SYNPR: variants seen among roughly 807,000 people sequenced by gnomAD.
The protein encoded by SYNPR is synaptoporin.
SYNPR carries 23 observed loss-of-function variants against 32.9 expected under a neutral mutation model. The observed-to-expected ratio is 0.70, with a 90% CI of 0.50 to 0.99. SYNPR has a LOEUF of 0.99. Ranked by LOEUF, SYNPR falls within the 50% of genes least tolerant of loss-of-function variation. SYNPR has a pLI of 0.00. For missense variants in SYNPR, 318 were observed against 349.3 expected (o/e 0.91, Z 0.71); for synonymous variants, 146 against 135.9 (o/e 1.07, Z -0.52).
At chr3:63,236,667 A>G (rs975978249) in intron 1 of SYNPR, among the ~76,000 whole-genome samples, 2 of 152,112 alleles carry the variant, frequency 1.3e-5, no homozygotes, top group Non-Finnish European at 2.9e-5. Context: ...TCCTGTGTTC[A>G]TTGTGAGTAT....
chr3:63,520,561 T>A (rs543589235), intron 3 of SYNPR, among the ~76,000 whole-genome samples: 4 of 151,880 alleles, frequency 2.6e-5, no homozygotes, highest in Admixed American at 2.6e-4. Context: ...TAATCCCAGC[T>A]ACTGAGGAGG....
At chr3:63,354,586 A>T (rs1353984148) in intron 2 of SYNPR, among the ~76,000 whole-genome samples, 1 of 152,218 alleles carries the variant, frequency 6.6e-6, no homozygotes, top group East Asian at 1.9e-4. Flanking sequence ...AGAACTTCAA[A>T]CTCACAAGGC....
intron 3 of SYNPR, among the ~76,000 whole-genome samples, chr3:63,505,413 A>C (rs535797898): frequency 6.6e-6 from 1 of 152,300 alleles, no homozygotes; most frequent in South Asian, 2.1e-4. Flanking sequence ...TCCACACAAC[A>C]ATACTGGTGA....
rs573490077 is a variant in SYNPR at position 63,238,349 on chromosome 3, A to AT, written n.66+9979dup. ...AAACTCAGTTTGAACAAATCATTCAATTTTTTTTTTCTGTGATTCAGTTTC... is the reference window on the plus strand; with the variant it reads ...AAACTCAGTTTGAACAAATCATTCAATTTTTTTTTTTCTGTGATTCAGTTTC... On this transcript the variant is annotated intron_variant and non_coding_transcript_variant, in intron 1 of 4. Transcript: ENST00000478456. 4.2e-4 allele frequency among the ~76,000 whole-genome samples: 63 copies of AT among 150,172 alleles called. 1 individual carries two copies. The highest frequency in any genetic ancestry group is 6.9e-3 in the Middle Eastern group (2 of 288).
At chr3:63,545,674 C>T (rs1702389237) in intron 3 of SYNPR, 1 of 151,986 alleles carries the variant, frequency 6.6e-6, no homozygotes, top group Admixed American at 6.6e-5. Flanking sequence ...AGGTAGCAAA[C>T]AGTATATTAA....
intron 3 of SYNPR, among the ~76,000 whole-genome samples, chr3:63,490,970 G>T (rs1231778756): frequency 6.6e-6 from 1 of 152,016 alleles, no homozygotes; most frequent in Non-Finnish European, 1.5e-5. Context: ...CACCATGTTG[G>T]CAAGGCTGGT....
chr3:63,385,785 C>T (rs906238948), intron 2 of SYNPR, among the ~76,000 whole-genome samples: 1 of 152,154 alleles, frequency 6.6e-6, no homozygotes, highest in Non-Finnish European at 1.5e-5. Flanking sequence ...GAAACACGTA[C>T]AGTATGCTGT....
At chr3:63,433,754 A>T (rs1283008023) in intron 2 of SYNPR, among the ~76,000 whole-genome samples, 3 of 152,114 alleles carry the variant, frequency 2.0e-5, no homozygotes, top group African/African-American at 7.2e-5. Context: ...CCCAGATAGG[A>T]GGGATTTTTT....
intron 2 of SYNPR, among the ~76,000 whole-genome samples, chr3:63,369,413 A>T (rs1184412999): frequency 6.6e-6 from 1 of 152,222 alleles, no homozygotes; most frequent in Non-Finnish European, 1.5e-5. Context: ...CAGTATAGGG[A>T]AAGTAGATCT....
At chr3:63,336,379 A>G (rs1310867572) in intron 2 of SYNPR, among the ~76,000 whole-genome samples, 1 of 151,440 alleles carries the variant, frequency 6.6e-6, no homozygotes, top group Non-Finnish European at 1.5e-5. Context: ...AAATGTTAAC[A>G]ATGATGAACT....
At chr3:63,222,143 T>A in the SYNPR span, among the ~76,000 whole-genome samples, 1 of 151,120 alleles carries the variant, frequency 6.6e-6, no homozygotes, top group South Asian at 2.1e-4. Flanking sequence ...AACACATTCT[T>A]CCTGATAGAA....
intron 2 of SYNPR, among the ~76,000 whole-genome samples, chr3:63,308,029 T>G (rs2086924338): frequency 6.6e-6 from 1 of 152,002 alleles, no homozygotes; most frequent in African/African-American, 2.4e-5. Context: ...TAATCTTCAG[T>G]AACATTAGAA....
intron 3 of SYNPR, among the ~76,000 whole-genome samples, chr3:63,494,790 CT>C (rs1701340844): frequency 6.6e-6 from 1 of 152,048 alleles, no homozygotes; most frequent in Admixed American, 6.6e-5. Flanking sequence ...CTTAGAATGT[CT>C]GGATCTGACT....
chr3:63,547,171 T>C (rs1702422091), intron 3 of SYNPR, among the ~76,000 whole-genome samples: 1 of 152,276 alleles, frequency 6.6e-6, no homozygotes, highest in African/African-American at 2.4e-5. Flanking sequence ...TAATGACCCT[T>C]TTTCTCAATA....
rs1261312588 is a variant in SYNPR at position 63,514,565 on chromosome 3, T to C, written c.209+33609T>C. ...TCTCTTCATCCTTCAAGGCCTTCTC[T>C]CTTTCTACCCTAGGAAGAACATATG... On this transcript the variant is annotated intron_variant, in intron 3 of 5. Transcript: ENST00000478300. 3.9e-5 allele frequency among the ~76,000 whole-genome samples: 6 copies of C among 152,160 alleles called. No individual in the cohort carries two copies. In the South Asian group the frequency reaches 8.3e-4, roughly 21 times the overall value.
chr3:63,587,446 C>A (rs1048661707), intron 4 of SYNPR, among the ~76,000 whole-genome samples: 1 of 152,104 alleles, frequency 6.6e-6, no homozygotes, highest in Non-Finnish European at 1.5e-5. Context: ...CATGTCCTAT[C>A]TGGGAGATTA....
chr3:63,520,687 T>G (rs898578003), intron 3 of SYNPR, among the ~76,000 whole-genome samples: 15 of 113,480 alleles, frequency 1.3e-4, no homozygotes, highest in East Asian at 2.7e-4. Context: ...AAAAAAAAAA[T>G]CAGAGTGATC....
chr3:63,486,254 C>A (rs566887560), intron 3 of SYNPR, among the ~76,000 whole-genome samples: 1 of 152,152 alleles, frequency 6.6e-6, no homozygotes, highest in East Asian at 1.9e-4. Context: ...CCGCTGGAAC[C>A]TGTTTGGTCT....
rs534214216 is a variant in SYNPR, at chr3:63,553,882, C to A, written c.210-2661C>A. On this transcript the variant is annotated intron_variant, in intron 3 of 5. Transcript: ENST00000478300. ...GATTACAGGCATGCGCCACCATGCC[C>A]GTCTAATTTTATATTTTTAGTAGAG... is the stretch of plus-strand genomic sequence containing the variant. 7.9e-5 allele frequency among the ~76,000 whole-genome samples: 12 copies of A among 152,122 alleles called. No homozygotes were observed. The South Asian group carries it at 2.1e-3, about 26-fold the overall frequency.
Sources: gnomAD v4.1 joint callset for allele counts (sites outside exome capture counted in the v4.1 genomes callset) on GRCh38, gnomAD v4.1.1 for gene constraint, MANE v1.5 for transcripts, NCBI Gene and HGNC (gene_info 2026-07-23, HGNC 2026-07-21) for gene names.